The following CFAP20DC variants were observed in gnomAD, a reference collection of about 807,000 sequenced individuals.
CFAP20DC encodes the protein protein CFAP20DC.
In CFAP20DC, 84 loss-of-function variants were observed where a neutral mutation model predicts 101.7. The observed-to-expected ratio is 0.83, with a 90% CI of 0.69 to 0.99. The LOEUF (loss-of-function observed/expected upper bound fraction) is 0.99, where lower values mean the gene tolerates loss of function less well. Among genes scored for constraint, CFAP20DC ranks in the 50% least tolerant of loss-of-function variants. The pLI, the probability that CFAP20DC is intolerant of heterozygous loss-of-function variation, is 0.00. For missense variants in CFAP20DC, 1,007 were observed against 970.3 expected, an observed-to-expected ratio of 1.04 and a Z score of -0.50; for synonymous variants, 359 against 351.2, an observed-to-expected ratio of 1.02 and a Z score of -0.25.
intron 7 of CFAP20DC, among the ~76,000 whole-genome samples, chr3:58,883,301 T>C (rs1399054247): frequency 6.6e-6 from 1 of 152,204 alleles, no homozygotes; most frequent in East Asian, 1.9e-4. Context: ...GACATCTTAG[T>C]TGTGCTCCTT....
At chr3:58,826,506 C>G (rs2076052116) in intron 14 of CFAP20DC, among the ~76,000 whole-genome samples, 1 of 152,066 alleles carries the variant, frequency 6.6e-6, no homozygotes, top group Non-Finnish European at 1.5e-5. Context: ...CTCCCTGTGT[C>G]CATGTGTTCT....
At chr3:59,031,927 C>A (rs1317081904) in intron 4 of CFAP20DC, among the ~76,000 whole-genome samples, 3 of 152,116 alleles carry the variant, frequency 2.0e-5, no homozygotes, top group Non-Finnish European at 4.4e-5. Context: ...ATAGGAACAG[C>A]TCTGGTCTGC....
At chr3:58,734,831 C>A (rs1171473069) in intron 3 of CFAP20DC, among the ~76,000 whole-genome samples, 2 of 152,158 alleles carry the variant, frequency 1.3e-5, no homozygotes, top group Admixed American at 1.3e-4. Context: ...ACAAAACAGA[C>A]TTTACAAAAG....
intron 15 of CFAP20DC, among the ~76,000 whole-genome samples, chr3:58,774,038 T>C (rs370895364): frequency 5.4e-4 from 81 of 151,380 alleles, no homozygotes; most frequent in South Asian, 1.9e-3. Context: ...CTAAACATCA[T>C]GGAAAACTAT....
intron 5 of CFAP20DC, among the ~76,000 whole-genome samples, chr3:58,930,577 C>T (rs977980795): frequency 2.6e-5 from 4 of 152,174 alleles, no homozygotes; most frequent in Non-Finnish European, 5.9e-5. Flanking sequence ...AATAGCTGAA[C>T]ATGTATCTAA....
chr3:58,740,269 G>A (rs1331149769), downstream of CFAP20DC, among the ~76,000 whole-genome samples: 1 of 152,174 alleles, frequency 6.6e-6, no homozygotes, highest in Non-Finnish European at 1.5e-5. This position sits in a 1 kb window ranked among gnomAD's most constrained non-coding sequence, Gnocchi z 4.6. Context: ...GTTTTTGCCT[G>A]TCTGACACCC....
At position 58,913,873 on chromosome 3, in the gene CFAP20DC, G is replaced by C. The variant is rs368115505; in HGVS notation, c.394-9C>G. 2.1e-5 allele frequency: 34 copies of C among 1,612,892 alleles called. No individual in the cohort carries two copies. Among genetic ancestry groups the C allele is most frequent in the Non-Finnish European group, 2.5e-5 (29 of 1,179,482 alleles). Reference sequence around the variant, plus strand: ...ATGCATAGATTGCACCACTAAAATAGAGAGATGCAAAGAAGAGTAAGGACC... The same window carrying C: ...ATGCATAGATTGCACCACTAAAATACAGAGATGCAAAGAAGAGTAAGGACC... On this transcript the variant is annotated splice_polypyrimidine_tract_variant and intron_variant, in intron 5 of 16. Coordinates refer to ENST00000482387, the MANE Select transcript of CFAP20DC (RefSeq NM_001394063.1). The surrounding 1 kb of genome is among the most constrained non-coding windows in gnomAD (Gnocchi z 4.4).
chr3:58,782,288 T>A (rs941106453), intron 15 of CFAP20DC, among the ~76,000 whole-genome samples: 8 of 151,866 alleles, frequency 5.3e-5, no homozygotes. Flanking sequence ...TACTTCAAAA[T>A]AATAAAGGCC....
intron 13 of CFAP20DC, among the ~76,000 whole-genome samples, chr3:58,846,439 T>G (rs1448464120): frequency 5.9e-5 from 9 of 152,046 alleles, no homozygotes; most frequent in Non-Finnish European, 1.2e-4. Context: ...AGAAAATACC[T>G]AGGAATCCAA....
In CFAP20DC at chr3:59,006,277, G is replaced by A. The variant is rs2093432156; in HGVS notation, c.278+33280C>T. The stretch of plus-strand genomic sequence containing the variant: ...TCATGACGTTAAAAAGCCATCAGAA[G>A]GAGATGGGAGGAAGATGGTGCCCAG... On this transcript the variant is annotated intron_variant, in intron 4 of 16. Transcript: ENST00000482387. The surrounding 1 kb of genome is among the most constrained non-coding windows in gnomAD (Gnocchi z 4.3). 6.6e-6 allele frequency among the ~76,000 whole-genome samples: 1 copy of A among 152,130 alleles called. No individual in the cohort carries two copies. Among genetic ancestry groups the A allele is most frequent in the African/African-American group, 2.4e-5 (1 of 41,428 alleles).
chr3:58,920,275 T>C (rs1412952297), intron 5 of CFAP20DC, among the ~76,000 whole-genome samples: 2 of 151,846 alleles, frequency 1.3e-5, no homozygotes, highest in Non-Finnish European at 2.9e-5. Context: ...AAATTATTTG[T>C]AGAGATGGGG....
In CFAP20DC at chr3:58,869,731, T is replaced by C. The variant is rs1167780772; in HGVS notation, c.853-241A>G. 1.3e-5 allele frequency among the ~76,000 whole-genome samples: 2 copies of C among 152,104 alleles called. No homozygotes were observed. The highest frequency in any genetic ancestry group is 4.8e-5 in the African/African-American group (2 of 41,412). On this transcript the variant is annotated intron_variant, in intron 8 of 16. Transcript: ENST00000482387. The surrounding 1 kb of genome is among the most constrained non-coding windows in gnomAD (Gnocchi z 4.3). ...GACACATAAATTAAAATGTGCTTAT[T>C]TGCTACACTCCATCTTCAGTAGGTA... is the stretch of plus-strand genomic sequence containing the variant.
At chr3:58,794,038 T>C in intron 15 of CFAP20DC, 1 of 189,618 alleles carries the variant, frequency 5.3e-6, no homozygotes, top group Non-Finnish European at 1.1e-5. Context: ...TCACTTACTT[T>C]CATCATAAAT....
At position 58,951,875 on chromosome 3, in the gene CFAP20DC, T is replaced by G. The variant is rs181768050; in HGVS notation, c.279-14113A>C. ...ATACATATGTAACAAACCTGCACGT[T>G]GTGCACATGTACCCTAAAACTTAAA... is the stretch of plus-strand genomic sequence containing the variant. On this transcript the variant is annotated intron_variant, in intron 4 of 16. Transcript: ENST00000482387. 3.1e-3 allele frequency among the ~76,000 whole-genome samples: 474 copies of G among 152,294 alleles called. 8 individuals carry two copies. The East Asian group carries it at 0.069, about 22-fold the overall frequency.
rs116017939 is a variant in CFAP20DC, at chr3:58,777,564, T to C, written c.2238-23701A>G. Among the ~76,000 whole-genome samples, 319 of 152,358 alleles carry C rather than the reference T, an allele frequency of 2.1e-3. 3 individuals are homozygous for C. Among genetic ancestry groups the C allele is most frequent in the African/African-American group, 7.5e-3 (310 of 41,582 alleles). On this transcript the variant is annotated intron_variant, in intron 15 of 16. Transcript: ENST00000482387. ...GCACAAATGAATGATATCTATGGAATATATTTTCCCAACAGAAAAATAAAG... is the reference window on the plus strand; with the variant it reads ...GCACAAATGAATGATATCTATGGAACATATTTTCCCAACAGAAAAATAAAG...
intron 7 of CFAP20DC, among the ~76,000 whole-genome samples, chr3:58,871,710 G>A (rs1256918727): frequency 1.3e-5 from 2 of 151,946 alleles, no homozygotes; most frequent in East Asian, 1.9e-4. Context: ...TGTATTTTTA[G>A]TAGGATGGGG....
At chr3:58,931,285 G>T (rs914641061) in intron 5 of CFAP20DC, among the ~76,000 whole-genome samples, 17 of 152,298 alleles carry the variant, frequency 1.1e-4, no homozygotes, top group African/African-American at 4.1e-4. Context: ...GAACTGGGTG[G>T]AGACCACCAC....
chr3:58,843,407 G>T (rs1463363093), intron 13 of CFAP20DC, among the ~76,000 whole-genome samples: 1 of 152,054 alleles, frequency 6.6e-6, no homozygotes, highest in Non-Finnish European at 1.5e-5. Flanking sequence ...GGAAGAAAGG[G>T]TATCAGCAAT....
At chr3:58,984,869 G>C (rs2092699928) in intron 4 of CFAP20DC, among the ~76,000 whole-genome samples, 1 of 152,136 alleles carries the variant, frequency 6.6e-6, no homozygotes, top group Middle Eastern at 3.2e-3. Context: ...TGGTAAAGTT[G>C]CTGGCATGGT....
Sources: allele counts gnomAD v4.1 joint callset (sites outside exome capture counted in the v4.1 genomes callset), GRCh38; gene constraint gnomAD v4.1.1; non-coding constraint Gnocchi (gnomAD v3.1); transcripts MANE v1.5; gene names NCBI Gene and HGNC (gene_info 2026-07-23, HGNC 2026-07-21).